Variants in TIMM10 observed in about 807,000 individuals in gnomAD.
TIMM10 encodes the protein mitochondrial import inner membrane translocase subunit Tim10.
Under a neutral mutation model 9.1 loss-of-function variants are expected in TIMM10, and 13 were observed. The observed-to-expected ratio is 1.42, with a 90% CI of 0.93 to 2.26. The LOEUF is 2.26. TIMM10 is among the 30% of genes most tolerant of loss of function. TIMM10 has a pLI of 0.00. For synonymous variants in TIMM10, 40 were observed against 42.1 expected (o/e 0.95, Z 0.20); for missense variants, 82 against 113.6 (o/e 0.72, Z 1.26).
intron 1 of TIMM10, 57 bp from the exon 2 acceptor site, chr11:57,530,291 G>A: frequency 8.1e-7 from 1 of 1,231,962 alleles, no homozygotes; most frequent in Non-Finnish European, 1.2e-6. Context: ...CCTACCCCTG[G>A]GGCTAGAGGA....
chr11:57,530,252 C>T lies in TIMM10; in HGVS notation c.-45-18G>A. ...TCCTAATCCTGGGAGCAGACATCAC[C>T]ATCAGCACCCACCGCCGCCGTTCAC... On this transcript the variant is annotated intron_variant, in intron 1 of 2. Coordinates refer to ENST00000257245, the MANE Select transcript of TIMM10 (RefSeq NM_012456.3). 1 of 1,544,582 alleles carries T rather than the reference C, an allele frequency of 6.5e-7. No homozygotes were observed. Among genetic ancestry groups the T allele is most frequent in the Non-Finnish European group, 8.9e-7 (1 of 1,118,966 alleles).
In TIMM10 at chr11:57,530,190, C is replaced by T. The variant is rs1944785357; in HGVS notation, c.-1G>A. ...GCTGTTGGGCCCTGAGAGGATCCATCTCAGCCTAGCACCGTGGAAGGGATC... is the reference window on the plus strand; with the variant it reads ...GCTGTTGGGCCCTGAGAGGATCCATTTCAGCCTAGCACCGTGGAAGGGATC... On this transcript the variant is annotated 5_prime_UTR_variant, in exon 2 of 3. Coordinates refer to ENST00000257245, the MANE Select transcript of TIMM10 (RefSeq NM_012456.3). 2.5e-6 allele frequency: 4 copies of T among 1,614,126 alleles called. No homozygotes were observed. Among genetic ancestry groups the T allele is most frequent in the Non-Finnish European group, 3.4e-6 (4 of 1,179,996 alleles).
rs1944771329 is a variant in TIMM10, at chr11:57,528,534, C to A, written c.*183G>T. 4 of 526,764 alleles carry A rather than the reference C, an allele frequency of 7.6e-6. No homozygotes were observed. The highest frequency in any genetic ancestry group is 6.2e-5 in the South Asian group (3 of 48,306). The allele number at this position is 526,764 out of a possible 1,614,324, so 32.6% of individuals were successfully genotyped here. On this transcript the variant is annotated 3_prime_UTR_variant, in exon 3 of 3. Transcript: ENST00000257245. The stretch of plus-strand genomic sequence containing the variant: ...ATATATATACACATACATACACACA[C>A]AGTCACATTCCAGTGTGACAAATAC...
intron 2 of TIMM10, among the ~76,000 whole-genome samples, chr11:57,529,184 A>G (rs1944776700): frequency 6.6e-6 from 1 of 152,252 alleles, no homozygotes; most frequent in Non-Finnish European, 1.5e-5. Flanking sequence ...CTGTTATGCA[A>G]TGCTTACAAT....
In TIMM10 at chr11:57,528,701, T is replaced by C. The variant is rs746888576; in HGVS notation, c.*16A>G. 11 of 1,612,776 alleles carry C rather than the reference T, an allele frequency of 6.8e-6. No homozygotes were observed. Among genetic ancestry groups the C allele is most frequent in the Non-Finnish European group, 9.3e-6 (11 of 1,179,828 alleles). The stretch of plus-strand genomic sequence containing the variant: ...AAGGGGTGGGGTACACCCCAGGGTG[T>C]ATACTGACAGGGACCTCATGCAGGC... On this transcript the variant is annotated 3_prime_UTR_variant, in exon 3 of 3. Transcript: ENST00000257245.
chr11:57,528,811 T>A lies in TIMM10; in HGVS notation c.179A>T (p.Asp60Val). 6.2e-7 allele frequency: 1 copy of A among 1,614,098 alleles called. No homozygotes were observed. The highest frequency in any genetic ancestry group is 8.5e-7 in the Non-Finnish European group (1 of 1,180,030). The change falls in exon 3 of 3, where the codon GAC becomes GTC. Residue 60 changes from aspartate to valine, a missense_variant. Transcript: ENST00000257245. ...CLDRCVSKYL[D>V]IHERMGKKLT... Reference sequence around the variant, plus strand: ...CTTTTTGCCCATCCGCTCATGGATGTCCAGGTACTTAGAGACACATCGGTC... The same window carrying A: ...CTTTTTGCCCATCCGCTCATGGATGACCAGGTACTTAGAGACACATCGGTC...
chr11:57,528,538 C>A lies in TIMM10; in HGVS notation c.*179G>T. 1 of 541,542 alleles carries A rather than the reference C, an allele frequency of 1.8e-6. No individual in the cohort carries two copies. Among genetic ancestry groups the A allele is most frequent in the Non-Finnish European group, 3.3e-6 (1 of 300,890 alleles). The allele number at this position is 541,542 out of a possible 1,614,324, so 33.5% of individuals were successfully genotyped here. ...ATATACACATACATACACACACAGT[C>A]ACATTCCAGTGTGACAAATACTCCT... On this transcript the variant is annotated 3_prime_UTR_variant, in exon 3 of 3. Coordinates refer to ENST00000257245, the MANE Select transcript of TIMM10 (RefSeq NM_012456.3).
chr11:57,529,641 A>C (rs1293973305), intron 2 of TIMM10, among the ~76,000 whole-genome samples: 1 of 152,204 alleles, frequency 6.6e-6, no homozygotes, highest in Non-Finnish European at 1.5e-5. Context: ...TAGTTCTGGC[A>C]TTGTTACTGA....
chr11:57,529,686 T>C (rs946342879), intron 2 of TIMM10, among the ~76,000 whole-genome samples: 10 of 152,250 alleles, frequency 6.6e-5, no homozygotes, highest in African/African-American at 2.4e-4. Flanking sequence ...ACTTAACCTC[T>C]AGAATCATCA....
intron 2 of TIMM10, 62 bp from the exon 3 acceptor site, chr11:57,528,980 C>T: frequency 1.9e-6 from 3 of 1,543,702 alleles, no homozygotes; most frequent in African/African-American, 1.4e-5. Flanking sequence ...GGAACCTTGA[C>T]CATTCCAGCC....
At chr11:57,528,959 G>C (rs771771784) in intron 2 of TIMM10, 41 bp from the exon 3 acceptor site, 1 of 1,602,836 alleles carries the variant, frequency 6.2e-7, no homozygotes, top group Admixed American at 1.7e-5. Flanking sequence ...GCAGCATCCT[G>C]TGACATCCCA....
intron 2 of TIMM10, among the ~76,000 whole-genome samples, 171 bp from the exon 3 acceptor site, chr11:57,529,089 T>C (rs1324744515): frequency 6.6e-6 from 1 of 152,226 alleles, no homozygotes; most frequent in African/African-American, 2.4e-5. Context: ...CTTGTCTAAG[T>C]CCATGTATAT....
In TIMM10 at chr11:57,528,827, C is replaced by T. The variant is rs1565151092; in HGVS notation, c.163G>A (p.Val55Ile). ...TCATGGATGTCCAGGTACTTAGAGA[C>T]ACATCGGTCCAGGCACACAGACTCG... ...KGESVCLDRC[V>I]SKYLDIHERM... Residue 55 changes from valine to isoleucine, a missense_variant, in exon 3 of 3, where the codon GTC (valine) becomes ATC (isoleucine). Transcript: ENST00000257245. 1.2e-6 allele frequency: 2 copies of T among 1,614,104 alleles called. No homozygotes were observed. The highest frequency in any genetic ancestry group is 2.2e-5 in the South Asian group (2 of 91,074).
At position 57,528,844 on chromosome 11, in the gene TIMM10, A is replaced by G; in HGVS notation, c.146T>C (p.Val49Ala). The G allele has an allele frequency of 6.2e-7, 1 of 1,614,020 alleles. No homozygotes were observed. Residue 49 changes from valine (V) to alanine (A), a missense_variant, in exon 3 of 3, where the codon GTG becomes GCG. Physicochemically the swap from Val to Ala is moderately conservative, Grantham distance 64. Coordinates refer to ENST00000257245, the MANE Select transcript of TIMM10 (RefSeq NM_012456.3). Reference sequence around the variant, plus strand: ...CTTAGAGACACATCGGTCCAGGCACACAGACTCGCCCTTGGAGAGCTCTGC... The same window carrying G: ...CTTAGAGACACATCGGTCCAGGCACGCAGACTCGCCCTTGGAGAGCTCTGC... ...KEAELSKGES[V>A]CLDRCVSKYL...
Position 57,530,190 on chromosome 11 carries a change from C to G in TIMM10, c.-1G>C. 1 of 1,614,126 alleles carries G rather than the reference C, an allele frequency of 6.2e-7. No individual in the cohort carries two copies. Among genetic ancestry groups the G allele is most frequent in the Non-Finnish European group, 8.5e-7 (1 of 1,179,996 alleles). On this transcript the variant is annotated 5_prime_UTR_variant, in exon 2 of 3. Coordinates refer to ENST00000257245, the MANE Select transcript of TIMM10 (RefSeq NM_012456.3). ...GCTGTTGGGCCCTGAGAGGATCCAT[C>G]TCAGCCTAGCACCGTGGAAGGGATC... is the stretch of plus-strand genomic sequence containing the variant.
intron 2 of TIMM10, 90 bp from the exon 3 acceptor site, chr11:57,529,008 C>T: frequency 7.4e-7 from 1 of 1,357,346 alleles, no homozygotes; most frequent in East Asian, 2.4e-5. Context: ...ATTGATTTCA[C>T]CTCCCCCAAG....
intron 2 of TIMM10, 73 bp downstream of exon 2, chr11:57,530,046 A>G (rs1020605543): frequency 1.6e-5 from 25 of 1,557,670 alleles, no homozygotes; most frequent in Middle Eastern, 1.7e-4. Context: ...GGAATTTGTC[A>G]TAAGTCATTC....
Position 57,528,644 on chromosome 11 carries a change from C to T in TIMM10, c.*73G>A, listed in dbSNP as rs1944772057. On this transcript the variant is annotated 3_prime_UTR_variant, in exon 3 of 3. Transcript: ENST00000257245. ...TAGGCCTGGCAGTCTTCACAGATGACACCCAACAGGGAGCACGTTTATTAA... is the reference window on the plus strand; with the variant it reads ...TAGGCCTGGCAGTCTTCACAGATGATACCCAACAGGGAGCACGTTTATTAA... 2.7e-6 allele frequency: 4 copies of T among 1,505,674 alleles called. No individual in the cohort carries two copies. Among genetic ancestry groups the T allele is most frequent in the Non-Finnish European group, 3.7e-6 (4 of 1,090,686 alleles). 93.3% of individuals were successfully genotyped at this position (1,505,674 alleles called of 1,614,324 possible). A position where few individuals can be genotyped will look rare whatever the true frequency, so the allele number is the denominator to read the frequency against.
intron 1 of TIMM10, 91 bp downstream of exon 1, chr11:57,530,567 G>A (rs1356109083): frequency 4.5e-6 from 1 of 223,310 alleles, no homozygotes; most frequent in Non-Finnish European, 9.3e-6. Flanking sequence ...GCTGAACAGA[G>A]GCGACCGGGA....
Sources: allele counts gnomAD v4.1 joint callset (sites outside exome capture counted in the v4.1 genomes callset), GRCh38; gene constraint gnomAD v4.1.1; transcripts MANE v1.5; gene names NCBI Gene and HGNC (gene_info 2026-07-23, HGNC 2026-07-21).